Variants in ODF2 observed in about 807,000 individuals in gnomAD.
ODF2 encodes the protein outer dense fiber of sperm tails 2, also known as outer dense fiber protein 2.
A neutral mutation model predicts 110.2 loss-of-function variants in ODF2; 47 were observed. The ratio of observed to expected loss-of-function variants is 0.43; its 90% CI spans 0.34 to 0.54. The LOEUF is 0.54. ODF2 is among the 20% of genes least tolerant of loss of function. ODF2 has a pLI of 0.03. For synonymous variants in ODF2, 352 were observed against 397.7 expected, an observed-to-expected ratio of 0.89 and a Z score of 1.37; for missense variants, 812 against 1,054.5, an observed-to-expected ratio of 0.77 and a Z score of 3.19.
chr9:128,456,256 G>A lies in ODF2; in HGVS notation c.-209+1G>A, dbSNP rs1564445702. 2 of 1,534,164 alleles carry A rather than the reference G, an allele frequency of 1.3e-6. No individual in the cohort carries two copies. The highest frequency in any genetic ancestry group is 2.1e-5 in the Admixed American group (1 of 48,308). ...TCTGGGCGCAGCCGTGTCGCTCCTG[G>A]TGAGAGGCCGCCGGCAGGCGGGATC... On this transcript the variant is annotated splice_donor_variant, in intron 1 of 20. Transcript: ENST00000604420. LOFTEE classifies it low-confidence loss of function (5UTR_SPLICE).
chr9:128,481,460 G>C, intron 8 of ODF2, 120 bp from the exon 9 acceptor site: 1 of 679,872 alleles, frequency 1.5e-6, no homozygotes, highest in Non-Finnish European at 2.4e-6. Flanking sequence ...CTGGGCAACA[G>C]AGTAAGACTC....
chr9:128,468,821 G>A (rs1053922568), intron 4 of ODF2: 50 of 187,364 alleles, frequency 2.7e-4, no homozygotes, highest in Admixed American at 2.5e-3. Context: ...CATGCCCAGC[G>A]CTAGCTAATT....
chr9:128,455,919 TG>T, upstream of ODF2: 3 of 1,374,806 alleles, frequency 2.2e-6, no homozygotes, highest in Non-Finnish European at 2.8e-6. Flanking sequence ...AGGCCTTGAA[TG>T]GGGGGCGAGA....
chr9:128,456,859 TC>T, intron 1 of ODF2: 1 of 1,292,272 alleles, frequency 7.7e-7, no homozygotes, highest in Non-Finnish European at 9.8e-7. Flanking sequence ...CCGTGCAACC[TC>T]CGCGCCTCCC....
chr9:128,484,749 A>T lies in ODF2; in HGVS notation c.1153A>T (p.Met385Leu), dbSNP rs563750514. 133 of 1,602,364 alleles carry T rather than the reference A, an allele frequency of 8.3e-5. 2 individuals carry two copies. In the South Asian group the frequency reaches 1.4e-3, roughly 17 times the overall value. The change falls in exon 12 of 21, where the codon ATG becomes TTG. Residue 385 changes from methionine to leucine, a missense_variant. Physicochemically the swap from Met to Leu is conservative, Grantham distance 15 (BLOSUM62 2). Coordinates refer to ENST00000604420, the Ensembl canonical transcript of ODF2. Reference sequence around the variant, plus strand: ...GCATAAGGCAGAAGTGGAGGCCATCATGGAGCAGCTGAAGGAGTTGAAGCA... The same window carrying T: ...GCATAAGGCAGAAGTGGAGGCCATCTTGGAGCAGCTGAAGGAGTTGAAGCA...
In ODF2 at chr9:128,464,678, T is replaced by TAATAGAGATGGAGTTTCACCACG. The variant is rs1564464185; in HGVS notation, c.249+3611_249+3612insAATAGAGATGGAGTTTCACCACG. On this transcript the variant is annotated intron_variant, in intron 4 of 20. Transcript: ENST00000604420. The stretch of plus-strand genomic sequence containing the variant: ...CACACCCAGCTAGTTTTTGTATTTT[T>TAATAGAGATGGAGTTTCACCACG]TTTTTTTTTTTTTTTTTTTTTTTTT... Among the ~76,000 whole-genome samples, 84 of 26,358 alleles carry TAATAGAGATGGAGTTTCACCACG rather than the reference T, an allele frequency of 3.2e-3. 32 individuals are homozygous for TAATAGAGATGGAGTTTCACCACG. Among genetic ancestry groups the TAATAGAGATGGAGTTTCACCACG allele is most frequent in the African/African-American group, 5.3e-3 (34 of 6,422 alleles). The allele number at this position is 26,358 out of a possible 152,430, so 17.3% of individuals were successfully genotyped here.
chr9:128,491,923 G>A (rs1844661482), intron 14 of ODF2, among the ~76,000 whole-genome samples: 1 of 144,504 alleles, frequency 6.9e-6, no homozygotes, highest in African/African-American at 2.6e-5. Flanking sequence ...CTGGAGTGCA[G>A]GGGCACGATC....
intron 8 of ODF2, among the ~76,000 whole-genome samples, chr9:128,475,946 G>A (rs1486844177): frequency 6.6e-6 from 1 of 151,778 alleles, no homozygotes; most frequent in Non-Finnish European, 1.5e-5. Flanking sequence ...GCCCGGCCGA[G>A]TTCAACTTCT....
chr9:128,491,511 T>G (rs1012206896), intron 14 of ODF2, among the ~76,000 whole-genome samples: 1 of 151,656 alleles, frequency 6.6e-6, no homozygotes, highest in African/African-American at 2.4e-5. Context: ...TATAAAAAAT[T>G]AGCCGGAGTG....
At chr9:128,484,950 G>A (rs1474430274) in intron 12 of ODF2, 64 bp downstream of exon 12, 1 of 1,543,158 alleles carries the variant, frequency 6.5e-7, no homozygotes, top group East Asian at 2.3e-5. Context: ...TGGCAGAGGG[G>A]TGGTCAGCCA....
chr9:128,471,566 C>T, intron 6 of ODF2, 98 bp downstream of exon 6: 3 of 1,181,570 alleles, frequency 2.5e-6, no homozygotes, highest in Non-Finnish European at 2.4e-6. Flanking sequence ...GAGGTGGGCA[C>T]AGGCACTGTG....
chr9:128,497,495 T>C (rs1380171328), intron 18 of ODF2: 1 of 99,262 alleles, frequency 1.0e-5, no homozygotes, highest in African/African-American at 3.8e-5. Flanking sequence ...ATGTATAAAA[T>C]TAGCCGGGCG....
rs1843174767 is a variant in ODF2 at position 128,485,421 on chromosome 9, C to T, written c.1347C>T (p.Asn449=). Residue 449 remains asparagine, a synonymous_variant, in exon 13 of 21, where the codon AAC becomes AAT. Transcript: ENST00000604420. The surrounding 1 kb of genome is among the most constrained non-coding windows in gnomAD (Gnocchi z 5.0). ...TGGAATCCTGGAGGAGCCGCTACAACCAAGTTGTAAAAGAAAAGGGAGACC... is the reference window on the plus strand; with the variant it reads ...TGGAATCCTGGAGGAGCCGCTACAATCAAGTTGTAAAAGAAAAGGGAGACC... The T allele has an allele frequency of 6.2e-7, 1 of 1,611,620 alleles. No homozygotes were observed. The highest frequency in any genetic ancestry group is 1.7e-5 in the Admixed American group (1 of 59,922).
chr9:128,496,925 G>A (rs1331373778), intron 18 of ODF2, among the ~76,000 whole-genome samples: 3 of 151,832 alleles, frequency 2.0e-5, no homozygotes, highest in African/African-American at 7.3e-5. Flanking sequence ...ATGGGGTTTC[G>A]CCGTGTTGCC....
intron 16 of ODF2, among the ~76,000 whole-genome samples, chr9:128,493,035 T>G (rs1844908482): frequency 6.6e-6 from 1 of 151,904 alleles, no homozygotes; most frequent in African/African-American, 2.4e-5. Flanking sequence ...TTTTTTTTTT[T>G]TTTCTCTTGG....
Position 128,457,154 on chromosome 9 carries a change from C to T in ODF2, c.-208-44C>T, listed in dbSNP as rs757943461. The T allele has an allele frequency of 1.3e-5, 19 of 1,486,696 alleles. No individual in the cohort carries two copies. The African/African-American group carries it at 1.5e-4, about 12-fold the overall frequency. The allele number at this position is 1,486,696 out of a possible 1,614,324, so 92.1% of individuals were successfully genotyped here. ...CGTCCCCTCCCCTTCCTCCCCTCTGCCCCCAGGTCGCTCAGCCTCTACTAT... is the reference window on the plus strand; with the variant it reads ...CGTCCCCTCCCCTTCCTCCCCTCTGTCCCCAGGTCGCTCAGCCTCTACTAT... On this transcript the variant is annotated intron_variant, in intron 1 of 20. Transcript: ENST00000604420.
At chr9:128,469,505 G>A in intron 5 of ODF2, 152 bp downstream of exon 5, 1 of 729,472 alleles carries the variant, frequency 1.4e-6, no homozygotes, top group Non-Finnish European at 2.3e-6. Context: ...GCCCCGGGAG[G>A]TAGCTGGGGC....
intron 3 of ODF2, chr9:128,460,009 G>C (rs943356822): frequency 1.8e-6 from 1 of 569,466 alleles, no homozygotes; most frequent in Non-Finnish European, 2.9e-6. Flanking sequence ...GTTCTGCCTT[G>C]CTCATGTTTT....
chr9:128,457,585 A>AG, intron 2 of ODF2: 1 of 1,032,776 alleles, frequency 9.7e-7, no homozygotes, highest in Non-Finnish European at 1.4e-6. Flanking sequence ...TTTAAAGGGA[A>AG]GGGGGAACGA....
Sources: gnomAD v4.1 joint callset for allele counts (sites outside exome capture counted in the v4.1 genomes callset) on GRCh38, gnomAD v4.1.1 for gene constraint, Gnocchi (gnomAD v3.1) non-coding constraint, MANE v1.5 for transcripts, NCBI Gene and HGNC (gene_info 2026-07-23, HGNC 2026-07-21) for gene names.